The following DR1 variants were observed in gnomAD, a reference collection of about 807,000 sequenced individuals.
DR1 encodes protein Dr1.
A neutral mutation model predicts 19.9 loss-of-function variants in DR1; 7 were observed. The ratio of observed to expected loss-of-function variants is 0.35; its 90% CI spans 0.20 to 0.66. The LOEUF is 0.66. Among genes scored for constraint, DR1 ranks in the 30% least tolerant of loss-of-function variants. The probability of loss-of-function intolerance (pLI) is 0.66; values close to 1 mark genes in which losing one functional copy is unlikely to be tolerated. For synonymous variants in DR1, 76 were observed against 72.5 expected (o/e 1.05, Z -0.24); for missense variants, 98 against 203.7 (o/e 0.48, Z 3.16).
At chr1:93,353,194 C>A (rs1325567426) in intron 1 of DR1, among the ~76,000 whole-genome samples, 1 of 152,088 alleles carries the variant, frequency 6.6e-6, no homozygotes, top group Non-Finnish European at 1.5e-5. Context: ...CATGCCTAGC[C>A]CATTTTTTTT....
chr1:93,351,372 A>T (rs1306216700), intron 1 of DR1, among the ~76,000 whole-genome samples: 3 of 151,014 alleles, frequency 2.0e-5, no homozygotes, highest in African/African-American at 2.4e-5. Flanking sequence ...GTAGTTATAT[A>T]TTTAAAAAAA....
intron 1 of DR1, among the ~76,000 whole-genome samples, chr1:93,348,734 T>C (rs1481582980): frequency 6.6e-6 from 1 of 152,108 alleles, no homozygotes; most frequent in East Asian, 1.9e-4. Flanking sequence ...TATTGACGTG[T>C]TACCTTAAAT....
At position 93,365,750 on chromosome 1, in the gene DR1, T is replaced by C. The variant is rs1667120184; in HGVS notation, c.*5111T>C. On this transcript the variant is annotated 3_prime_UTR_variant, in exon 3 of 3. Transcript: ENST00000370272. ...AAGAAAGTCAAATCTTACAGGAGAC[T>C]CTTGACTTCACATCTGCTGATCCCT... 1 of 152,206 alleles carries C rather than the reference T, an allele frequency of 6.6e-6. No individual in the cohort carries two copies. The highest frequency in any genetic ancestry group is 1.5e-5 in the Non-Finnish European group (1 of 68,048). 9.4% of individuals were successfully genotyped at this position (152,206 alleles called of 1,614,324 possible).
chr1:93,363,874 A>G lies in DR1; in HGVS notation c.*3235A>G, dbSNP rs1667089078. Reference sequence around the variant, plus strand: ...CGTTTGTTTATCCATTTTTCATTACATCCAAAAGTTATTCATTCTCCCATT... The same window carrying G: ...CGTTTGTTTATCCATTTTTCATTACGTCCAAAAGTTATTCATTCTCCCATT... On this transcript the variant is annotated 3_prime_UTR_variant, in exon 3 of 3. Transcript: ENST00000370272. 1 of 152,198 alleles carries G rather than the reference A, an allele frequency of 6.6e-6. No homozygotes were observed. The highest frequency in any genetic ancestry group is 1.5e-5 in the Non-Finnish European group (1 of 68,048). The allele number at this position is 152,198 out of a possible 1,614,324, so 9.4% of individuals were successfully genotyped here.
chr1:93,345,947 G>C lies in DR1; in HGVS notation c.-699G>C, dbSNP rs999949383. 6.5e-6 allele frequency: 1 copy of C among 152,794 alleles called. No homozygotes were observed. Among genetic ancestry groups the C allele is most frequent in the Non-Finnish European group, 1.5e-5 (1 of 68,262 alleles). 9.5% of individuals were successfully genotyped at this position (152,794 alleles called of 1,614,324 possible). A position where few individuals can be genotyped will look rare whatever the true frequency, so the allele number is the denominator to read the frequency against. On this transcript the variant is annotated 5_prime_UTR_variant, in exon 1 of 3. Transcript: ENST00000370272. The stretch of plus-strand genomic sequence containing the variant: ...AGCGGCTTCCTGCAAACCTTCCCTG[G>C]CATCTGGAGGGACCACCGTTGCCGC...
rs1667041088 is a variant in DR1, at chr1:93,360,676, T to C, written c.*37T>C. 6.4e-7 allele frequency: 1 copy of C among 1,572,642 alleles called. No homozygotes were observed. Among genetic ancestry groups the C allele is most frequent in the Non-Finnish European group, 8.6e-7 (1 of 1,167,348 alleles). On this transcript the variant is annotated 3_prime_UTR_variant, in exon 3 of 3. Transcript: ENST00000370272. The stretch of plus-strand genomic sequence containing the variant: ...TGAGTTTCTATTTCTTCTATAAATG[T>C]TTTTCCCTGCACAACAAAAACAGTG...
At chr1:93,347,266 A>ACCCC (rs1666860271) in intron 1 of DR1, among the ~76,000 whole-genome samples, 1 of 152,118 alleles carries the variant, frequency 6.6e-6, no homozygotes, top group Non-Finnish European at 1.5e-5. Flanking sequence ...GAGACAGAGC[A>ACCCC]CCCCCTTCCC....
intron 1 of DR1, among the ~76,000 whole-genome samples, chr1:93,353,095 A>G (rs1666936224): frequency 6.6e-6 from 1 of 152,006 alleles, no homozygotes; most frequent in Admixed American, 6.6e-5. Flanking sequence ...AGGTCTTGCC[A>G]TGTTGCCCGC....
At position 93,346,471 on chromosome 1, in the gene DR1, C is replaced by T. The variant is rs1180613073; in HGVS notation, c.-175C>T. ...AAACTCATCCTAAATCTCTCACACA[C>T]GCGAGTGTTCCCAGCCCTCAAGCCA... On this transcript the variant is annotated 5_prime_UTR_variant, in exon 1 of 3. In the 5' UTR this introduces an upstream ATG that the reference lacks. Transcript: ENST00000370272. 8.2e-6 allele frequency: 5 copies of T among 607,182 alleles called. No individual in the cohort carries two copies. Among genetic ancestry groups the T allele is most frequent in the Non-Finnish European group, 1.5e-5 (5 of 343,482 alleles). 37.6% of individuals were successfully genotyped at this position (607,182 alleles called of 1,614,324 possible). A position where few individuals can be genotyped will look rare whatever the true frequency, so the allele number is the denominator to read the frequency against.
intron 2 of DR1, among the ~76,000 whole-genome samples, chr1:93,359,440 A>T (rs2101639680): frequency 6.6e-6 from 1 of 152,368 alleles, no homozygotes; most frequent in East Asian, 1.9e-4. Context: ...ATGGGAATGC[A>T]TAGGGAATTA....
In DR1 at chr1:93,366,039, C is replaced by G. The variant is rs554631244; in HGVS notation, c.*5400C>G. 2 of 152,338 alleles carry G rather than the reference C, an allele frequency of 1.3e-5. No homozygotes were observed. Among genetic ancestry groups the G allele is most frequent in the Admixed American group, 1.3e-4 (2 of 15,302 alleles). 9.4% of individuals were successfully genotyped at this position (152,338 alleles called of 1,614,324 possible). ...ACCACCACCATCCGTCTACAGAACT[C>G]TTCATCTTCCCAAACTGAAATTATG... On this transcript the variant is annotated 3_prime_UTR_variant, in exon 3 of 3. Transcript: ENST00000370272.
intron 1 of DR1, among the ~76,000 whole-genome samples, chr1:93,352,413 T>C (rs1403619417): frequency 6.6e-6 from 1 of 152,250 alleles, no homozygotes; most frequent in East Asian, 1.9e-4. Context: ...AATGCCTTTC[T>C]GAAGTTTTTA....
At chr1:93,359,435 A>G (rs1206967091) in intron 2 of DR1, among the ~76,000 whole-genome samples, 3 of 152,230 alleles carry the variant, frequency 2.0e-5, no homozygotes. Context: ...TGGATATGGG[A>G]ATGCATAGGG....
In DR1 at chr1:93,367,161, A is replaced by AAG. The variant is rs1285118365; in HGVS notation, c.*6523_*6524insGA. ...TGAGACCCTGTCTCAAAAAAAAAAAAAAAAAGTAAAAATTATTTACCCAAT... is the reference window on the plus strand; with the variant it reads ...TGAGACCCTGTCTCAAAAAAAAAAAAAGAAAAAGTAAAAATTATTTACCCAAT... On this transcript the variant is annotated 3_prime_UTR_variant, in exon 3 of 3. Coordinates refer to ENST00000370272, the MANE Select transcript of DR1 (RefSeq NM_001938.3). 1 of 120,162 alleles carries AAG rather than the reference A, an allele frequency of 8.3e-6. No homozygotes were observed. The highest frequency in any genetic ancestry group is 2.7e-5 in the African/African-American group (1 of 37,432). The allele number at this position is 120,162 out of a possible 1,614,324, so 7.4% of individuals were successfully genotyped here. A position where few individuals can be genotyped will look rare whatever the true frequency, so the allele number is the denominator to read the frequency against.
chr1:93,360,467 T>C (rs199518567), intron 2 of DR1, 26 bp from the exon 3 acceptor site: 5 of 1,500,124 alleles, frequency 3.3e-6, no homozygotes, highest in Non-Finnish European at 4.4e-6. Context: ...AAAATTGTTA[T>C]TTTTTTTTAT....
In DR1 at chr1:93,354,449, A is replaced by G. The variant is rs535675399; in HGVS notation, c.384+378A>G. On this transcript the variant is annotated intron_variant, in intron 2 of 2. Coordinates refer to ENST00000370272, the MANE Select transcript of DR1 (RefSeq NM_001938.3). ...AAAATCTGATTAATATCAACTGTGT[A>G]GTTAAATTAGGTCTTTAATATACAC... Among the ~76,000 whole-genome samples, 9 of 152,310 alleles carry G rather than the reference A, an allele frequency of 5.9e-5. No homozygotes were observed. In the South Asian group the frequency reaches 1.9e-3, roughly 32 times the overall value.
At position 93,365,691 on chromosome 1, in the gene DR1, G is replaced by A. The variant is rs771147556; in HGVS notation, c.*5052G>A. The stretch of plus-strand genomic sequence containing the variant: ...AAAGACTAAAAGAAATAGGTGATTT[G>A]GAAAGAGGAGGCCCAGGATTAAAAT... On this transcript the variant is annotated 3_prime_UTR_variant, in exon 3 of 3. Transcript: ENST00000370272. 10 of 152,164 alleles carry A rather than the reference G, an allele frequency of 6.6e-5. No individual in the cohort carries two copies. Among genetic ancestry groups the A allele is most frequent in the African/African-American group, 4.8e-5 (2 of 41,426 alleles). 9.4% of individuals were successfully genotyped at this position (152,164 alleles called of 1,614,324 possible).
chr1:93,350,815 T>A (rs771461), intron 1 of DR1, among the ~76,000 whole-genome samples: 14,452 of 152,088 alleles, frequency 0.095, 941 homozygotes, highest in East Asian at 0.28. Flanking sequence ...CACAAATTTT[T>A]AAAAAAATAT....
rs546450691 is a variant in DR1, at chr1:93,363,896, C to T, written c.*3257C>T. The T allele has an allele frequency of 1.3e-5, 2 of 152,304 alleles. No homozygotes were observed. Among genetic ancestry groups the T allele is most frequent in the Non-Finnish European group, 2.9e-5 (2 of 68,036 alleles). The allele number at this position is 152,304 out of a possible 1,614,324, so 9.4% of individuals were successfully genotyped here. On this transcript the variant is annotated 3_prime_UTR_variant, in exon 3 of 3. Coordinates refer to ENST00000370272, the MANE Select transcript of DR1 (RefSeq NM_001938.3). ...TACATCCAAAAGTTATTCATTCTCCCATTAATAGTCTTTTGAGAATTTTTC... is the reference window on the plus strand; with the variant it reads ...TACATCCAAAAGTTATTCATTCTCCTATTAATAGTCTTTTGAGAATTTTTC...
Sources: allele counts gnomAD v4.1 joint callset (sites outside exome capture counted in the v4.1 genomes callset), GRCh38; gene constraint gnomAD v4.1.1; transcripts MANE v1.5; gene names NCBI Gene and HGNC (gene_info 2026-07-23, HGNC 2026-07-21).